The following NRF1 variants were observed in gnomAD, a reference collection of about 807,000 sequenced individuals.
NRF1 encodes nuclear respiratory factor 1.
Under a neutral mutation model 58.5 loss-of-function variants are expected in NRF1, and 5 were observed. The observed-to-expected ratio is 0.09, with a 90% CI of 0.04 to 0.18. NRF1 has a LOEUF of 0.18. Among genes scored for constraint, NRF1 ranks in the 10% least tolerant of loss-of-function variants. The pLI is 1.00. For synonymous variants in NRF1, 224 were observed against 246.7 expected, an observed-to-expected ratio of 0.91 and a Z score of 0.86; for missense variants, 288 against 657.7, an observed-to-expected ratio of 0.44 and a Z score of 6.15.
chr7:129,675,070 T>C (rs929084961), intron 3 of NRF1, among the ~76,000 whole-genome samples: 7 of 152,194 alleles, frequency 4.6e-5, no homozygotes, highest in African/African-American at 1.7e-4. Context: ...CTAAATCTTT[T>C]ATTGTCATTT....
At chr7:129,612,264 C>T (rs1283027065) in intron 1 of NRF1, among the ~76,000 whole-genome samples, 1 of 147,292 alleles carries the variant, frequency 6.8e-6, no homozygotes, top group African/African-American at 2.5e-5. Flanking sequence ...CGGCTCTCGG[C>T]TCGCCCCCTC....
At chr7:129,671,689 T>G in intron 3 of NRF1, 146 bp downstream of exon 3, 1 of 580,354 alleles carries the variant, frequency 1.7e-6, no homozygotes, top group Non-Finnish European at 3.1e-6. Context: ...TCTTACAAAA[T>G]TAAATGCATG....
chr7:129,701,268 A>G (rs913665458), intron 5 of NRF1, among the ~76,000 whole-genome samples: 13 of 152,116 alleles, frequency 8.5e-5, no homozygotes, highest in Admixed American at 7.9e-4. Flanking sequence ...AAAATAAGAA[A>G]ACATTTCCCC....
chr7:129,651,613 G>A (rs542922502), intron 1 of NRF1, among the ~76,000 whole-genome samples: 1 of 152,244 alleles, frequency 6.6e-6, no homozygotes, highest in African/African-American at 2.4e-5. Flanking sequence ...CCTTTGAAAA[G>A]CAGTTAGGTG....
intron 1 of NRF1, chr7:129,641,726 C>T (rs967917235): frequency 6.6e-6 from 1 of 152,184 alleles, no homozygotes; most frequent in East Asian, 1.9e-4. Context: ...GTCACCCAGG[C>T]TGGAGTGCAG....
chr7:129,701,318 G>C (rs1233900959), intron 5 of NRF1, among the ~76,000 whole-genome samples: 1 of 152,032 alleles, frequency 6.6e-6, no homozygotes, highest in Non-Finnish European at 1.5e-5. Context: ...TGATAATAAG[G>C]CTGGGTGCAG....
At position 129,741,843 on chromosome 7, in the gene NRF1, G is replaced by T. The variant is rs960788598; in HGVS notation, c.1349-13175G>T. ...GATTCACTTGCCAGCACCCAGCTCTGACATTTGCTTAATAAAGAGCAAATG... is the reference window on the plus strand; with the variant it reads ...GATTCACTTGCCAGCACCCAGCTCTTACATTTGCTTAATAAAGAGCAAATG... On this transcript the variant is annotated intron_variant, in intron 10 of 10. Transcript: ENST00000393232. The surrounding 1 kb of genome is among the most constrained non-coding windows in gnomAD (Gnocchi z 4.0). Among the ~76,000 whole-genome samples, 4 of 152,148 alleles carry T rather than the reference G, an allele frequency of 2.6e-5. No individual in the cohort carries two copies. The highest frequency in any genetic ancestry group is 4.4e-5 in the Non-Finnish European group (3 of 68,030).
At chr7:129,688,376 C>T (rs1253945035) in intron 4 of NRF1, among the ~76,000 whole-genome samples, 1 of 152,180 alleles carries the variant, frequency 6.6e-6, no homozygotes, top group Non-Finnish European at 1.5e-5. Context: ...ATCTGCCTGC[C>T]TCAACTTCCC....
At chr7:129,744,808 T>C (rs146039969) in intron 10 of NRF1, among the ~76,000 whole-genome samples, 1,762 of 152,284 alleles carry the variant, frequency 0.012, 21 homozygotes, top group Non-Finnish European at 0.018. Flanking sequence ...GTGGTTTTTT[T>C]CCTAAATGGT....
intron 5 of NRF1, among the ~76,000 whole-genome samples, 158 bp downstream of exon 5, chr7:129,690,704 A>G (rs977747510): frequency 3.3e-5 from 5 of 152,122 alleles, no homozygotes; most frequent in Non-Finnish European, 7.4e-5. Flanking sequence ...TGGAAAAGAC[A>G]TTATAGTGCC....
intron 5 of NRF1, among the ~76,000 whole-genome samples, chr7:129,707,964 G>A (rs1007473066): frequency 6.6e-6 from 1 of 152,122 alleles, no homozygotes; most frequent in Non-Finnish European, 1.5e-5. Context: ...ATATTAAAGT[G>A]TTGCTGTACT....
intron 1 of NRF1, among the ~76,000 whole-genome samples, chr7:129,635,814 C>T (rs1489971055): frequency 2.0e-5 from 3 of 152,216 alleles, no homozygotes; most frequent in Admixed American, 6.5e-5. Context: ...CTATACACCC[C>T]GTTAGAAAAA....
At chr7:129,744,150 T>TTTTTTA in intron 10 of NRF1, 1 of 1,463,322 alleles carries the variant, frequency 6.8e-7, no homozygotes, top group Non-Finnish European at 9.1e-7. Flanking sequence ...TTTTTTTTTT[T>TTTTTTA]AACAGTTCTG....
chr7:129,659,358 C>T (rs946773936), intron 2 of NRF1, among the ~76,000 whole-genome samples: 1 of 152,062 alleles, frequency 6.6e-6, no homozygotes, highest in Non-Finnish European at 1.5e-5. Context: ...GGATTATAGG[C>T]GTGAGCCACC....
At chr7:129,619,427 T>TACACACACACACACAC (rs1295058351) in intron 1 of NRF1, among the ~76,000 whole-genome samples, 3 of 81,098 alleles carry the variant, frequency 3.7e-5, no homozygotes, top group East Asian at 4.8e-4. Flanking sequence ...TATATATATA[T>TACACACACACACACAC]ATATATACAC....
At chr7:129,648,558 C>T (rs968281836) in intron 1 of NRF1, among the ~76,000 whole-genome samples, 5 of 152,048 alleles carry the variant, frequency 3.3e-5, no homozygotes, top group African/African-American at 4.8e-5. Flanking sequence ...AGATTACAGG[C>T]GTGAGCCACC....
intron 10 of NRF1, among the ~76,000 whole-genome samples, chr7:129,751,685 C>A: frequency 6.6e-6 from 1 of 152,314 alleles, no homozygotes. Flanking sequence ...GTTCCCCAAG[C>A]CTGGAGCTTT....
intron 10 of NRF1, among the ~76,000 whole-genome samples, chr7:129,738,149 C>T (rs1225871426): frequency 6.6e-6 from 1 of 152,216 alleles, no homozygotes; most frequent in Non-Finnish European, 1.5e-5. Context: ...TAAGAAAAAG[C>T]AAATGAAGAT....
chr7:129,729,712 T>G (rs1803534622), intron 10 of NRF1, among the ~76,000 whole-genome samples: 1 of 152,266 alleles, frequency 6.6e-6, no homozygotes, highest in Admixed American at 6.5e-5. Context: ...GTATTTACTT[T>G]GGGATTGGAA....
Sources: gnomAD v4.1 joint callset for allele counts (sites outside exome capture counted in the v4.1 genomes callset) on GRCh38, gnomAD v4.1.1 for gene constraint, Gnocchi (gnomAD v3.1) non-coding constraint, MANE v1.5 for transcripts, NCBI Gene and HGNC (gene_info 2026-07-23, HGNC 2026-07-21) for gene names.